DLGAP2: variants seen among roughly 807,000 people sequenced by gnomAD.
DLGAP2 encodes disks large-associated protein 2.
DLGAP2 carries 26 observed loss-of-function variants against 100.3 expected under a neutral mutation model. The observed-to-expected ratio is 0.26, with a 90% confidence interval of 0.19 to 0.36. The LOEUF (loss-of-function observed/expected upper bound fraction) is 0.36, where lower values mean the gene tolerates loss of function less well. Among genes scored for constraint, DLGAP2 ranks in the 10% least tolerant of loss-of-function variants. DLGAP2 has a pLI of 1.00. For missense variants in DLGAP2, 1,858 were observed against 1,453.2 expected (o/e 1.28, Z -4.53); for synonymous variants, 886 against 630.1 (o/e 1.41, Z -6.08).
intron 6 of DLGAP2, among the ~76,000 whole-genome samples, chr8:1,600,471 C>T (rs1240302778): frequency 6.6e-6 from 1 of 152,134 alleles, no homozygotes; most frequent in Non-Finnish European, 1.5e-5. Context: ...GAGTGTTTTC[C>T]AGCTTGGTTC....
intron 2 of DLGAP2, among the ~76,000 whole-genome samples, chr8:1,007,669 G>A (rs1801160945): frequency 1.3e-5 from 2 of 150,470 alleles, no homozygotes; most frequent in African/African-American, 2.5e-5. Context: ...AACTGGCTCT[G>A]TCGTCCATCT....
chr8:1,591,408 C>G (rs1329937202), intron 6 of DLGAP2, among the ~76,000 whole-genome samples: 3 of 152,176 alleles, frequency 2.0e-5, no homozygotes, highest in Non-Finnish European at 2.9e-5. Context: ...CTGGTCACTG[C>G]TTCTCTAAGA....
intron 6 of DLGAP2, among the ~76,000 whole-genome samples, chr8:1,573,624 ACGTGC>A (rs1164957509): frequency 6.7e-6 from 1 of 150,234 alleles, no homozygotes; most frequent in Non-Finnish European, 1.5e-5. Context: ...AGGAAACATC[ACGTGC>A]TGTTCTGGTG....
chr8:1,287,191 C>G (rs1472210245), intron 3 of DLGAP2, among the ~76,000 whole-genome samples: 1 of 98,076 alleles, frequency 1.0e-5, no homozygotes, highest in Non-Finnish European at 1.9e-5. Context: ...AGGAGGGGAA[C>G]TAGTTTTGGT....
At chr8:1,678,069 C>G in intron 11 of DLGAP2, 145 bp from the exon 12 acceptor site, 1 of 839,762 alleles carries the variant, frequency 1.2e-6, no homozygotes, top group Non-Finnish European at 1.8e-6. Flanking sequence ...AAAACACCAG[C>G]ATATTTCACA....
At chr8:1,178,110 C>T (rs10109717) in intron 2 of DLGAP2, among the ~76,000 whole-genome samples, 1 of 151,898 alleles carries the variant, frequency 6.6e-6, no homozygotes, top group Admixed American at 6.6e-5. Flanking sequence ...GAGTCATTAC[C>T]CCAGAATCCA....
At chr8:1,582,715 G>A (rs937663026) in intron 6 of DLGAP2, among the ~76,000 whole-genome samples, 10 of 152,044 alleles carry the variant, frequency 6.6e-5, no homozygotes, top group African/African-American at 9.7e-5. Context: ...TCAGCCTCCC[G>A]AGCAGCTGGG....
intron 2 of DLGAP2, among the ~76,000 whole-genome samples, chr8:1,083,223 T>C (rs1315097717): frequency 6.6e-6 from 1 of 152,144 alleles, no homozygotes; most frequent in Non-Finnish European, 1.5e-5. Context: ...GTAACACAAA[T>C]GTCAGCTCTC....
At chr8:1,368,366 G>A (rs1261483567) in intron 3 of DLGAP2, among the ~76,000 whole-genome samples, 1 of 151,818 alleles carries the variant, frequency 6.6e-6, no homozygotes, top group Non-Finnish European at 1.5e-5. Flanking sequence ...TATGTGTATG[G>A]GTGCATGTGC....
At chr8:1,691,829 G>A (rs1168418271) in intron 13 of DLGAP2, among the ~76,000 whole-genome samples, 1 of 149,892 alleles carries the variant, frequency 6.7e-6, no homozygotes, top group South Asian at 2.1e-4. Context: ...GCAGGGAGGC[G>A]GATACGGCCC....
In DLGAP2 at chr8:737,640, C is replaced by A. The variant is rs1820350486; in HGVS notation, c.-168C>A. ...GCGCCGGCCGTGAAGACCGACCGTGCGCCGGGCTCGAGCGCGGTCTGAGCG... is the reference window on the plus strand; with the variant it reads ...GCGCCGGCCGTGAAGACCGACCGTGAGCCGGGCTCGAGCGCGGTCTGAGCG... On this transcript the variant is annotated 5_prime_UTR_variant, in exon 1 of 15. Transcript: ENST00000637795. The A allele has an allele frequency of 2.9e-6, 1 of 347,664 alleles. No individual in the cohort carries two copies. The highest frequency in any genetic ancestry group is 5.2e-6 in the Non-Finnish European group (1 of 193,564). The allele number at this position is 347,664 out of a possible 1,614,324, so 21.5% of individuals were successfully genotyped here.
intron 13 of DLGAP2, among the ~76,000 whole-genome samples, chr8:1,696,005 C>T (rs1359705924): frequency 6.6e-6 from 1 of 152,224 alleles, no homozygotes; most frequent in African/African-American, 2.4e-5. Context: ...GCGCGGAGGG[C>T]AGCTGGGGGC....
chr8:1,283,997 A>G (rs867123080), intron 3 of DLGAP2, among the ~76,000 whole-genome samples: 1 of 152,216 alleles, frequency 6.6e-6, no homozygotes, highest in African/African-American at 2.4e-5. Flanking sequence ...CTAGATGCCT[A>G]TTATCTTCCT....
At chr8:1,664,254 A>G (rs1798486941) in intron 8 of DLGAP2, among the ~76,000 whole-genome samples, 1 of 151,952 alleles carries the variant, frequency 6.6e-6, no homozygotes, top group Non-Finnish European at 1.5e-5. Flanking sequence ...AACACAGGCC[A>G]CGTCTACTAG....
intron 2 of DLGAP2, among the ~76,000 whole-genome samples, chr8:1,255,610 C>CA (rs1264587229): frequency 7.2e-6 from 1 of 138,774 alleles, no homozygotes. Flanking sequence ...TGTGTCCTCT[C>CA]TTGCCTGGGT....
At chr8:1,675,096 C>A (rs1452239401) in intron 10 of DLGAP2, among the ~76,000 whole-genome samples, 2 of 152,222 alleles carry the variant, frequency 1.3e-5, no homozygotes, top group African/African-American at 4.8e-5. Context: ...GCATCCCAGT[C>A]TAGGGTCAGC....
At chr8:1,202,591 C>T (rs1006808148) in intron 2 of DLGAP2, among the ~76,000 whole-genome samples, 2 of 152,170 alleles carry the variant, frequency 1.3e-5, no homozygotes, top group African/African-American at 4.8e-5. Context: ...TGTGGAGACA[C>T]CACAGAGGCC....
chr8:1,388,507 G>A (rs866461694), intron 3 of DLGAP2, among the ~76,000 whole-genome samples: 12 of 62,774 alleles, frequency 1.9e-4, no homozygotes, highest in South Asian at 7.1e-4. Context: ...AGAGGCAGAG[G>A]CCGTGGATGA....
At chr8:1,278,888 T>G (rs1799760131) in intron 3 of DLGAP2, among the ~76,000 whole-genome samples, 1 of 152,164 alleles carries the variant, frequency 6.6e-6, no homozygotes, top group Non-Finnish European at 1.5e-5. Context: ...AATTTAATGT[T>G]TAGGGGATAT....
Sources: gnomAD v4.1 joint callset for allele counts (sites outside exome capture counted in the v4.1 genomes callset) on GRCh38, gnomAD v4.1.1 for gene constraint, MANE v1.5 for transcripts, NCBI Gene and HGNC (gene_info 2026-07-23, HGNC 2026-07-21) for gene names.